GALNT13: variants seen among roughly 807,000 people sequenced by gnomAD.
GALNT13 encodes the protein UDP-GalNAc:polypeptide N-acetylgalactosaminyltransferase 13.
GALNT13 carries 28 observed loss-of-function variants against 64.2 expected under a neutral mutation model. The observed-to-expected ratio is 0.44, with a 90% CI of 0.32 to 0.60. GALNT13 has a LOEUF of 0.60. Among genes scored for constraint, GALNT13 ranks in the 20% least tolerant of loss-of-function variants. The probability of loss-of-function intolerance (pLI) is 0.05; values close to 1 mark genes in which losing one functional copy is unlikely to be tolerated. For missense variants in GALNT13, 577 were observed against 669.8 expected (o/e 0.86, Z 1.53); for synonymous variants, 214 against 224.6 (o/e 0.95, Z 0.42).
At chr2:154,094,717 A>T in intron 3 of GALNT13, among the ~76,000 whole-genome samples, 1 of 151,818 alleles carries the variant, frequency 6.6e-6, no homozygotes, top group Non-Finnish European at 1.5e-5. Flanking sequence ...TTAAAGGCAA[A>T]TATTATTCAT....
intron 4 of GALNT13, among the ~76,000 whole-genome samples, chr2:154,176,202 G>T (rs1014612009): frequency 6.6e-6 from 1 of 151,528 alleles, no homozygotes; most frequent in African/African-American, 2.4e-5. Context: ...TCAGCATGAT[G>T]CAGAGTATGT....
In GALNT13 at chr2:154,140,468, G is replaced by A; in HGVS notation, c.274G>A (p.Ala92Thr). 6.2e-7 allele frequency: 1 copy of A among 1,611,950 alleles called. No individual in the cohort carries two copies. Among genetic ancestry groups the A allele is most frequent in the Non-Finnish European group, 8.5e-7 (1 of 1,178,568 alleles). ...TAACCTTATGGCCAGTGATTTGATT[G>A]CCCTTAATAGAAGTCTGCCAGATGT... ...QFNLMASDLI[A>T]LNRSLPDVRL... The change falls in exon 4 of 13, where the codon GCC becomes ACC. Residue 92 changes from alanine to threonine, a missense_variant. By Grantham distance (58) the Ala-to-Thr change is moderately conservative (BLOSUM62 0). Transcript: ENST00000392825.
At chr2:153,100,251 T>G in the GALNT13 span, among the ~76,000 whole-genome samples, 1 of 152,190 alleles carries the variant, frequency 6.6e-6, no homozygotes, top group South Asian at 2.1e-4. Flanking sequence ...CCACAAAAGA[T>G]GGCAGAACTT....
At chr2:153,426,249 A>T in the GALNT13 span, among the ~76,000 whole-genome samples, 2 of 151,904 alleles carry the variant, frequency 1.3e-5, no homozygotes, top group African/African-American at 4.8e-5. Flanking sequence ...GCTCAATTTC[A>T]TAGCTTACTT....
chr2:154,011,513 T>C, intron 3 of GALNT13, among the ~76,000 whole-genome samples: 1 of 152,170 alleles, frequency 6.6e-6, no homozygotes, highest in East Asian at 1.9e-4. Context: ...TACAGTACAT[T>C]TCATGTGCAG....
intron 3 of GALNT13, among the ~76,000 whole-genome samples, chr2:154,064,432 C>T (rs1263350412): frequency 2.0e-5 from 3 of 152,138 alleles, no homozygotes; most frequent in African/African-American, 7.2e-5. Context: ...CCACTCCTTT[C>T]ATAACTCCAG....
At chr2:154,350,595 C>T (rs913485235) in intron 9 of GALNT13, among the ~76,000 whole-genome samples, 3 of 152,172 alleles carry the variant, frequency 2.0e-5, no homozygotes, top group Non-Finnish European at 2.9e-5. Context: ...GGAACTTCAC[C>T]GTGTGACTGT....
At chr2:154,237,489 AT>A (rs1689254473) in intron 4 of GALNT13, among the ~76,000 whole-genome samples, 1 of 146,804 alleles carries the variant, frequency 6.8e-6, no homozygotes, top group Non-Finnish European at 1.5e-5. Flanking sequence ...GTTTCTGGAA[AT>A]AACAGTGAGT....
At chr2:153,245,774 G>A in the GALNT13 span, among the ~76,000 whole-genome samples, 6 of 152,014 alleles carry the variant, frequency 3.9e-5, no homozygotes, top group Non-Finnish European at 8.8e-5. Context: ...TCCAGCAAGG[G>A]CACAAAACTG....
the GALNT13 span, among the ~76,000 whole-genome samples, chr2:153,345,923 G>C: frequency 6.6e-6 from 1 of 151,572 alleles, no homozygotes; most frequent in African/African-American, 2.4e-5. Flanking sequence ...AGCCTCCTGA[G>C]TAGCTGGGAC....
At chr2:154,153,791 A>C (rs1405371335) in intron 4 of GALNT13, among the ~76,000 whole-genome samples, 1 of 152,194 alleles carries the variant, frequency 6.6e-6, no homozygotes, top group Non-Finnish European at 1.5e-5. Context: ...GGAAAAGCGC[A>C]GTATTAGGGC....
the GALNT13 span, among the ~76,000 whole-genome samples, chr2:153,306,075 C>T: frequency 2.6e-5 from 4 of 152,160 alleles, no homozygotes; most frequent in Non-Finnish European, 4.4e-5. Flanking sequence ...GCATTGTAAA[C>T]AGAAGTTTAA....
intron 7 of GALNT13, among the ~76,000 whole-genome samples, chr2:154,252,789 A>G (rs1178726059): frequency 6.6e-6 from 1 of 152,094 alleles, no homozygotes; most frequent in Non-Finnish European, 1.5e-5. Flanking sequence ...ATAATAGATA[A>G]GGAAAGGAGA....
At chr2:153,239,344 T>C in the GALNT13 span, among the ~76,000 whole-genome samples, 5 of 152,208 alleles carry the variant, frequency 3.3e-5, no homozygotes, top group Non-Finnish European at 5.9e-5. Context: ...TGTAGTCTGA[T>C]TGCTTTAGCT....
chr2:153,937,772 A>G (rs1691047876), intron 2 of GALNT13, among the ~76,000 whole-genome samples: 1 of 152,324 alleles, frequency 6.6e-6, no homozygotes, highest in South Asian at 2.1e-4. Flanking sequence ...TGAAAGAAAC[A>G]AGTTGCTAGA....
At chr2:153,792,619 A>G in the GALNT13 span, among the ~76,000 whole-genome samples, 1 of 152,138 alleles carries the variant, frequency 6.6e-6, no homozygotes, top group South Asian at 2.1e-4. Context: ...ACATTTTCAC[A>G]TTTTTCCAGG....
chr2:153,946,528 A>G, intron 3 of GALNT13, among the ~76,000 whole-genome samples: 1 of 152,118 alleles, frequency 6.6e-6, no homozygotes, highest in South Asian at 2.1e-4. Flanking sequence ...GGATTCCAAG[A>G]TGAAGGTGCT....
At chr2:153,776,136 A>C in the GALNT13 span, among the ~76,000 whole-genome samples, 1 of 152,232 alleles carries the variant, frequency 6.6e-6, no homozygotes, top group African/African-American at 2.4e-5. Context: ...GATTTGACAT[A>C]GATGTGAAAT....
At chr2:153,249,013 T>C in the GALNT13 span, among the ~76,000 whole-genome samples, 1 of 152,054 alleles carries the variant, frequency 6.6e-6, no homozygotes, top group Admixed American at 6.6e-5. Flanking sequence ...CAACATAATA[T>C]TGAAAGTTCT....
Sources: allele counts gnomAD v4.1 joint callset (sites outside exome capture counted in the v4.1 genomes callset), GRCh38; gene constraint gnomAD v4.1.1; transcripts MANE v1.5; gene names NCBI Gene and HGNC (gene_info 2026-07-23, HGNC 2026-07-21).